Variants in CCSER1 observed in about 807,000 individuals in gnomAD.
The protein encoded by CCSER1 is serine-rich coiled-coil domain-containing protein 1.
A neutral mutation model predicts 82.0 loss-of-function variants in CCSER1; 41 were observed. The ratio of observed to expected loss-of-function variants is 0.50; its 90% CI spans 0.39 to 0.65. The LOEUF is 0.65. Among genes scored for constraint, CCSER1 ranks in the 30% least tolerant of loss-of-function variants. The pLI is 0.00. For synonymous variants in CCSER1, 414 were observed against 383.9 expected, an observed-to-expected ratio of 1.08 and a Z score of -0.92; for missense variants, 1,119 against 1,064.2, an observed-to-expected ratio of 1.05 and a Z score of -0.72.
At chr4:90,182,900 T>C (rs1388066307) in intron 1 of CCSER1, among the ~76,000 whole-genome samples, 5 of 151,952 alleles carry the variant, frequency 3.3e-5, no homozygotes, top group African/African-American at 1.2e-4. Flanking sequence ...ATATTTGCTT[T>C]AATAAAATTA....
Position 90,998,360 on chromosome 4 carries a change from G to A in CCSER1, c.2172+74913G>A, listed in dbSNP as rs28542589. Among the ~76,000 whole-genome samples, 11 of 152,174 alleles carry A rather than the reference G, an allele frequency of 7.2e-5. No individual in the cohort carries two copies. The South Asian group carries it at 1.5e-3, about 20-fold the overall frequency. ...CTCCCAAAGAGCCGGGATTACAGGC[G>A]TGAGCCACTGCGCCCACCCTAATTT... On this transcript the variant is annotated intron_variant, in intron 9 of 10. Transcript: ENST00000509176.
intron 1 of CCSER1, among the ~76,000 whole-genome samples, chr4:90,305,869 T>A (rs946704060): frequency 7.9e-5 from 12 of 152,200 alleles, no homozygotes; most frequent in Admixed American, 7.9e-4. Flanking sequence ...CAAAGAGATA[T>A]CTGTACTCCT....
rs189213499 is a variant in CCSER1, at chr4:90,442,017, C to T, written c.1604-26217C>T. The stretch of plus-strand genomic sequence containing the variant: ...GTCCTGTGGAACCTCTGTCTACTCT[C>T]GGCCCTATGAACTAATCTCTATATT... On this transcript the variant is annotated intron_variant, in intron 4 of 10. Coordinates refer to ENST00000509176, the MANE Select transcript of CCSER1 (RefSeq NM_001145065.2). Among the ~76,000 whole-genome samples, 22 of 152,276 alleles carry T rather than the reference C, an allele frequency of 1.4e-4. No individual in the cohort carries two copies. In the East Asian group the frequency reaches 3.3e-3, roughly 23 times the overall value.
At chr4:90,370,811 C>T (rs1012928111) in intron 3 of CCSER1, among the ~76,000 whole-genome samples, 3 of 151,874 alleles carry the variant, frequency 2.0e-5, no homozygotes, top group East Asian at 1.9e-4. Flanking sequence ...AAGGTCCTAC[C>T]GTTTTTTATT....
intron 10 of CCSER1, among the ~76,000 whole-genome samples, chr4:91,551,612 A>G (rs972379246): frequency 2.6e-5 from 4 of 151,342 alleles, no homozygotes; most frequent in Admixed American, 1.3e-4. Context: ...TCCTTAAAAT[A>G]TTTGTTTCTC....
chr4:91,504,866 T>C lies in CCSER1; in HGVS notation c.2218-93706T>C, dbSNP rs1297358111. Among the ~76,000 whole-genome samples, 3 of 152,194 alleles carry C rather than the reference T, an allele frequency of 2.0e-5. No homozygotes were observed. In the East Asian group the frequency reaches 5.8e-4, roughly 29 times the overall value. Reference sequence around the variant, plus strand: ...AAACCAAGTGAATAAATTACTAGCATGCCCATCTGATTTTTGACATTTATT... The same window carrying C: ...AAACCAAGTGAATAAATTACTAGCACGCCCATCTGATTTTTGACATTTATT... On this transcript the variant is annotated intron_variant, in intron 10 of 10. Transcript: ENST00000509176.
intron 1 of CCSER1, among the ~76,000 whole-genome samples, chr4:90,196,815 G>A (rs952603541): frequency 2.6e-5 from 4 of 152,034 alleles, no homozygotes; most frequent in African/African-American, 9.7e-5. Flanking sequence ...AACTATTAGG[G>A]ATAGGAAAAG....
At chr4:90,329,862 C>G (rs953451973) in intron 3 of CCSER1, among the ~76,000 whole-genome samples, 2 of 151,928 alleles carry the variant, frequency 1.3e-5, no homozygotes, top group Admixed American at 6.6e-5. Context: ...TTTTTTATTT[C>G]TTAAATAAAT....
intron 10 of CCSER1, among the ~76,000 whole-genome samples, chr4:91,119,890 CAGTT>C (rs914966534): frequency 6.6e-6 from 1 of 151,734 alleles, no homozygotes; most frequent in African/African-American, 2.4e-5. Context: ...TTTTAAAAAG[CAGTT>C]AGGAAGATTT....
chr4:90,163,388 C>G (rs1421235533), intron 1 of CCSER1, among the ~76,000 whole-genome samples: 1 of 152,072 alleles, frequency 6.6e-6, no homozygotes, highest in African/African-American at 2.4e-5. Flanking sequence ...TTACTTTGTG[C>G]ATCTATGTGC....
intron 6 of CCSER1, among the ~76,000 whole-genome samples, chr4:90,644,365 A>G (rs1299753989): frequency 2.0e-5 from 3 of 152,122 alleles, no homozygotes; most frequent in African/African-American, 7.2e-5. Flanking sequence ...TCATGTGTGG[A>G]ATTTTTCACT....
chr4:91,347,497 T>C (rs1382430243), intron 10 of CCSER1, among the ~76,000 whole-genome samples: 1 of 152,012 alleles, frequency 6.6e-6, no homozygotes, highest in Non-Finnish European at 1.5e-5. Context: ...TTTTTTTGCA[T>C]CCACAAAATG....
intron 5 of CCSER1, among the ~76,000 whole-genome samples, chr4:90,610,737 T>A (rs1260240636): frequency 1.3e-5 from 2 of 152,238 alleles, no homozygotes; most frequent in African/African-American, 4.8e-5. Context: ...CACATAACAA[T>A]GAAGGCAAAT....
chr4:90,833,378 A>G (rs1322444548), intron 8 of CCSER1, among the ~76,000 whole-genome samples: 1 of 152,122 alleles, frequency 6.6e-6, no homozygotes, highest in Non-Finnish European at 1.5e-5. Flanking sequence ...TTTCAACATA[A>G]ATTTTGGAGG....
chr4:90,838,984 C>G, intron 8 of CCSER1: 1 of 1,613,102 alleles, frequency 6.2e-7, no homozygotes, highest in Non-Finnish European at 8.5e-7. Flanking sequence ...CTGTCTTCTT[C>G]AGTTTCGGCT....
intron 9 of CCSER1, among the ~76,000 whole-genome samples, chr4:90,957,455 A>G (rs1733582375): frequency 7.1e-6 from 1 of 140,456 alleles, no homozygotes; most frequent in South Asian, 2.1e-4. Context: ...ATTTCATGGT[A>G]TATAAATAAT....
chr4:91,569,004 G>A (rs1578813461), intron 10 of CCSER1, among the ~76,000 whole-genome samples: 1 of 152,192 alleles, frequency 6.6e-6, no homozygotes, highest in East Asian at 1.9e-4. Context: ...TGGATTGAGT[G>A]GAATCAACAG....
chr4:90,771,506 G>A (rs1752156304), intron 7 of CCSER1, among the ~76,000 whole-genome samples: 1 of 144,542 alleles, frequency 6.9e-6, no homozygotes, highest in Non-Finnish European at 1.5e-5. Context: ...AGCTAGAAAG[G>A]TATAACGTTA....
At chr4:90,168,771 A>G (rs1403491339) in intron 1 of CCSER1, among the ~76,000 whole-genome samples, 3 of 136,864 alleles carry the variant, frequency 2.2e-5, no homozygotes, top group Admixed American at 1.4e-4. Flanking sequence ...GGTTTGTCAA[A>G]GATCAGATGG....
Sources: allele counts gnomAD v4.1 joint callset (sites outside exome capture counted in the v4.1 genomes callset), GRCh38; gene constraint gnomAD v4.1.1; transcripts MANE v1.5; gene names NCBI Gene and HGNC (gene_info 2026-07-23, HGNC 2026-07-21).